The following TLK1 variants were observed in gnomAD, a reference collection of about 807,000 sequenced individuals.
The protein encoded by TLK1 is serine/threonine-protein kinase tousled-like 1.
TLK1 carries 24 observed loss-of-function variants against 105.3 expected under a neutral mutation model. The observed-to-expected ratio is 0.23, with a 90% CI of 0.17 to 0.32. The LOEUF (loss-of-function observed/expected upper bound fraction) is 0.32, where lower values mean the gene tolerates loss of function less well. Among genes scored for constraint, TLK1 ranks in the 10% least tolerant of loss-of-function variants. The pLI is 1.00. For missense variants in TLK1, 558 were observed against 910.5 expected (o/e 0.61, Z 4.98); for synonymous variants, 321 against 310.4 (o/e 1.03, Z -0.36).
At position 171,037,087 on chromosome 2, in the gene TLK1, T is replaced by C. The variant is rs114907204; in HGVS notation, c.1170-8682A>G. 1.5e-3 allele frequency among the ~76,000 whole-genome samples: 226 copies of C among 151,968 alleles called. 1 individual carries two copies. Among genetic ancestry groups the C allele is most frequent in the African/African-American group, 5.3e-3 (218 of 41,436 alleles). On this transcript the variant is annotated intron_variant, in intron 11 of 20. Coordinates refer to ENST00000431350, the MANE Select transcript of TLK1 (RefSeq NM_012290.5). ...CTAGTCAAAGTCACAGAAAAGGTAA[T>C]ATCTGAACTAAATTAAAAAGAAGCA...
chr2:171,002,735 C>T (rs959937119), intron 18 of TLK1, among the ~76,000 whole-genome samples: 6 of 152,046 alleles, frequency 3.9e-5, no homozygotes, highest in Non-Finnish European at 5.9e-5. Flanking sequence ...CAGGCTCAAG[C>T]GATGATCCTC....
intron 1 of TLK1, among the ~76,000 whole-genome samples, chr2:171,194,820 G>GA (rs370489277): frequency 0.11 from 10,200 of 94,244 alleles, 555 homozygotes; most frequent in Non-Finnish European, 0.15. Flanking sequence ...CCGTCTCAGG[G>GA]AAAAAAAAAA....
chr2:171,156,682 C>CA (rs1450115274), intron 1 of TLK1, among the ~76,000 whole-genome samples: 1 of 152,176 alleles, frequency 6.6e-6, no homozygotes, highest in East Asian at 1.9e-4. Context: ...CTAGTGATTT[C>CA]AAAAAATTAA....
At chr2:171,072,685 T>C (rs1688317445) in intron 3 of TLK1, among the ~76,000 whole-genome samples, 1 of 152,170 alleles carries the variant, frequency 6.6e-6, no homozygotes, top group South Asian at 2.1e-4. Flanking sequence ...GGAGAATCAC[T>C]TGAGCTCAGG....
At chr2:171,138,972 A>T (rs899701656) in intron 1 of TLK1, among the ~76,000 whole-genome samples, 2 of 152,196 alleles carry the variant, frequency 1.3e-5, no homozygotes, top group African/African-American at 4.8e-5. Flanking sequence ...AAAGGCATAA[A>T]GGGTGTTATA....
At chr2:171,187,308 G>T (rs1271334111) in intron 1 of TLK1, among the ~76,000 whole-genome samples, 1 of 152,028 alleles carries the variant, frequency 6.6e-6, no homozygotes. Flanking sequence ...AGACATCCTC[G>T]CTGGAATACG....
At chr2:171,094,170 AAG>A (rs1689356119) in intron 2 of TLK1, among the ~76,000 whole-genome samples, 1 of 152,240 alleles carries the variant, frequency 6.6e-6, no homozygotes, top group South Asian at 2.1e-4. Flanking sequence ...TTAGAAATAA[AAG>A]AGTTGACAGT....
intron 1 of TLK1, among the ~76,000 whole-genome samples, chr2:171,156,221 G>GT (rs1190205183): frequency 1.3e-5 from 2 of 152,138 alleles, no homozygotes; most frequent in Admixed American, 1.3e-4. Context: ...CATCATAACA[G>GT]ACTGAAGGCA....
intron 1 of TLK1, among the ~76,000 whole-genome samples, chr2:171,187,089 AGAAAAAG>A (rs1211630468): frequency 5.4e-5 from 8 of 147,324 alleles, no homozygotes; most frequent in Non-Finnish European, 8.9e-5. Context: ...AAAAAGAAAA[AGAAAAAG>A]AAAAAGAAAA....
At chr2:171,074,089 CCCTGTTGG>C (rs943561363) in intron 3 of TLK1, among the ~76,000 whole-genome samples, 3 of 152,074 alleles carry the variant, frequency 2.0e-5, no homozygotes, top group African/African-American at 4.8e-5. Context: ...TGGGGTTCCA[CCCTGTTGG>C]CCAGGCTGGT....
chr2:171,153,409 T>C (rs1692117736), intron 1 of TLK1, among the ~76,000 whole-genome samples: 1 of 152,222 alleles, frequency 6.6e-6, no homozygotes, highest in African/African-American at 2.4e-5. Context: ...AAAATAAGCA[T>C]CTTCCTGGGT....
At chr2:171,212,901 T>TTAA (rs1553490172) in intron 1 of TLK1, among the ~76,000 whole-genome samples, 2 of 151,112 alleles carry the variant, frequency 1.3e-5, no homozygotes, top group Admixed American at 6.6e-5. Context: ...TGTTTTTTTT[T>TTAA]AAAAAAAACA....
Position 171,056,485 on chromosome 2 carries a change from T to C in TLK1, c.535A>G (p.Thr179Ala). 6.2e-7 allele frequency: 1 copy of C among 1,609,292 alleles called. No individual in the cohort carries two copies. Among genetic ancestry groups the C allele is most frequent in the Non-Finnish European group, 8.5e-7 (1 of 1,178,246 alleles). Residue 179 changes from threonine (T) to alanine (A), a missense_variant, in exon 6 of 21, where the codon ACT (threonine) becomes GCT (alanine). Transcript: ENST00000431350. The stretch of plus-strand genomic sequence containing the variant: ...AGATGACTTACAGATGAGGAAGGAG[T>C]GGAATGTGAATGTGAATTTTGAGGA... Reference protein sequence around the residue: ...RSPQNSHSHSTPSSSVRPNSP... With the variant: ...RSPQNSHSHSAPSSSVRPNSP...
chr2:171,139,165 T>C (rs1304893081), intron 1 of TLK1, among the ~76,000 whole-genome samples: 3 of 152,188 alleles, frequency 2.0e-5, no homozygotes, highest in Non-Finnish European at 2.9e-5. Flanking sequence ...ATAGGATATA[T>C]ATATACACAC....
At chr2:171,168,644 C>T (rs908122308) in intron 1 of TLK1, among the ~76,000 whole-genome samples, 7 of 152,110 alleles carry the variant, frequency 4.6e-5, no homozygotes, top group African/African-American at 1.7e-4. Flanking sequence ...GAACTGGTGT[C>T]TAAAACAGAC....
At chr2:171,184,969 G>C (rs1188732429) in intron 1 of TLK1, among the ~76,000 whole-genome samples, 1 of 152,010 alleles carries the variant, frequency 6.6e-6, no homozygotes, top group African/African-American at 2.4e-5. Context: ...CTCCCAAGAA[G>C]CTGGGACTAC....
intron 1 of TLK1, among the ~76,000 whole-genome samples, chr2:171,149,224 G>A (rs1464294556): frequency 2.0e-5 from 3 of 150,488 alleles, no homozygotes; most frequent in South Asian, 2.1e-4. Context: ...GGGTAGGGGC[G>A]GGCAGGGAGA....
intron 1 of TLK1, among the ~76,000 whole-genome samples, chr2:171,129,830 A>AATATAAC (rs1340746994): frequency 2.1e-5 from 3 of 142,582 alleles, no homozygotes; most frequent in Non-Finnish European, 3.0e-5. Context: ...TAGGTTACCA[A>AATATAAC]ATAACATAAC....
intron 3 of TLK1, chr2:171,066,993 G>A: frequency 6.6e-7 from 1 of 1,514,622 alleles, no homozygotes; most frequent in Non-Finnish European, 8.8e-7. Context: ...CAGAGCTGTG[G>A]TCTCACAACT....
Sources: gnomAD v4.1 joint callset for allele counts (sites outside exome capture counted in the v4.1 genomes callset) on GRCh38, gnomAD v4.1.1 for gene constraint, MANE v1.5 for transcripts, NCBI Gene and HGNC (gene_info 2026-07-23, HGNC 2026-07-21) for gene names.